EGFR: variants seen among roughly 807,000 people sequenced by gnomAD.
The protein encoded by EGFR is epidermal growth factor receptor, also known as avian erythroblastic leukemia viral (v-erb-b) oncogene homolog.
Under a neutral mutation model 143.0 loss-of-function variants are expected in EGFR, and 58 were observed. That is an observed-to-expected ratio of 0.41 (90% CI 0.33 to 0.50). EGFR has a LOEUF of 0.50. EGFR is among the 20% of genes least tolerant of loss of function. The probability of loss-of-function intolerance (pLI) is 0.39; values close to 1 mark genes in which losing one functional copy is unlikely to be tolerated. For synonymous variants in EGFR, 613 were observed against 594.4 expected, an observed-to-expected ratio of 1.03 and a Z score of -0.45; for missense variants, 1,307 against 1,579.0, an observed-to-expected ratio of 0.83 and a Z score of 2.92.
At chr7:55,163,188 G>A (rs931598796) in intron 13 of EGFR, among the ~76,000 whole-genome samples, 1 of 152,236 alleles carries the variant, frequency 6.6e-6, no homozygotes, top group Non-Finnish European at 1.5e-5. Flanking sequence ...CTGACAAACA[G>A]CCGTACATCT....
intron 13 of EGFR, among the ~76,000 whole-genome samples, chr7:55,162,568 C>A (rs927166995): frequency 6.6e-6 from 1 of 152,206 alleles, no homozygotes; most frequent in African/African-American, 2.4e-5. Flanking sequence ...TTTCAGTTTT[C>A]AAGTGTTTCT....
chr7:55,156,479 C>T (rs1785424153), intron 8 of EGFR, 54 bp from the exon 9 acceptor site: 1 of 1,611,520 alleles, frequency 6.2e-7, no homozygotes, highest in Admixed American at 1.7e-5. Context: ...GGATCCCTAG[C>T]TATTCTTAAT....
At chr7:55,055,214 A>C (rs1414906088) in intron 1 of EGFR, among the ~76,000 whole-genome samples, 1 of 152,174 alleles carries the variant, frequency 6.6e-6, no homozygotes, top group Non-Finnish European at 1.5e-5. Flanking sequence ...AAGAATCTCT[A>C]AATCAGTGGT....
chr7:55,147,273 G>A (rs570959768), intron 4 of EGFR, among the ~76,000 whole-genome samples: 1 of 152,346 alleles, frequency 6.6e-6, no homozygotes, highest in African/African-American at 2.4e-5. Flanking sequence ...CAGTGAGGCA[G>A]CCTGTGGGGA....
At chr7:55,128,308 G>A (rs1793646724) in intron 1 of EGFR, among the ~76,000 whole-genome samples, 1 of 152,206 alleles carries the variant, frequency 6.6e-6, no homozygotes, top group African/African-American at 2.4e-5. Flanking sequence ...TTATTACTGA[G>A]AGTTAAAGAA....
intron 11 of EGFR, 133 bp from the exon 12 acceptor site, chr7:55,160,006 C>A: frequency 1.1e-6 from 1 of 922,764 alleles, no homozygotes; most frequent in Non-Finnish European, 1.7e-6. Context: ...CAGTGTGTGC[C>A]TCCCACAGCA....
intron 15 of EGFR, chr7:55,166,169 A>AC (rs1785970923): frequency 3.4e-5 from 16 of 465,568 alleles, no homozygotes; most frequent in South Asian, 1.3e-4. Context: ...AAAAACAAAA[A>AC]AAAAAGCTAC....
chr7:55,079,698 C>T (rs1389385507), intron 1 of EGFR, among the ~76,000 whole-genome samples: 1 of 152,092 alleles, frequency 6.6e-6, no homozygotes, highest in Non-Finnish European at 1.5e-5. Flanking sequence ...CACCCTAGGC[C>T]CGGGCCTGCT....
chr7:55,207,269 C>T lies in EGFR; in HGVS notation c.*1652C>T, dbSNP rs1431330115. 1 of 230,708 alleles carries T rather than the reference C, an allele frequency of 4.3e-6. No homozygotes were observed. Among genetic ancestry groups the T allele is most frequent in the Admixed American group, 5.6e-5 (1 of 17,740 alleles). The allele number at this position is 230,708 out of a possible 1,614,324, so 14.3% of individuals were successfully genotyped here. On this transcript the variant is annotated 3_prime_UTR_variant, in exon 28 of 28. Transcript: ENST00000275493. The stretch of plus-strand genomic sequence containing the variant: ...TTGACTCCCAGATCAGTCAGAGCCC[C>T]TACAGCATTGTTAAGAAAGTATTTG...
chr7:55,166,007 A>C (rs1035692486), intron 15 of EGFR, among the ~76,000 whole-genome samples: 1 of 151,908 alleles, frequency 6.6e-6, no homozygotes, highest in Non-Finnish European at 1.5e-5. Flanking sequence ...GTGAAACCCC[A>C]CCTCTACTAA....
At chr7:55,019,434 C>T in intron 1 of EGFR, 69 bp downstream of exon 1, 2 of 1,052,920 alleles carry the variant, frequency 1.9e-6, no homozygotes, top group Non-Finnish European at 2.4e-6. Context: ...GCCCGCCCAA[C>T]CGCGCACCGG....
At chr7:55,151,818 G>A (rs753680215) in intron 5 of EGFR, among the ~76,000 whole-genome samples, 4 of 152,196 alleles carry the variant, frequency 2.6e-5, no homozygotes, top group Non-Finnish European at 5.9e-5. Flanking sequence ...AGCTTGCAGT[G>A]AGCCGAGATT....
chr7:55,071,721 T>C, intron 1 of EGFR, among the ~76,000 whole-genome samples: 1 of 152,412 alleles, frequency 6.6e-6, no homozygotes, highest in Middle Eastern at 3.4e-3. Context: ...TAATAATATG[T>C]TAGAGATTTA....
intron 1 of EGFR, among the ~76,000 whole-genome samples, chr7:55,102,750 T>TAA (rs1791902137): frequency 3.3e-5 from 5 of 152,216 alleles, no homozygotes; most frequent in Non-Finnish European, 5.9e-5. Flanking sequence ...TCTGTTCATT[T>TAA]ATATATCTTA....
chr7:55,156,453 G>C (rs1785423031), intron 8 of EGFR, 80 bp from the exon 9 acceptor site: 1 of 1,596,902 alleles, frequency 6.3e-7, no homozygotes, highest in Admixed American at 1.7e-5. Flanking sequence ...ATTCCTTCCT[G>C]CTTCCCTCTG....
intron 1 of EGFR, among the ~76,000 whole-genome samples, chr7:55,077,235 G>T (rs1346126573): frequency 6.6e-6 from 1 of 152,146 alleles, no homozygotes; most frequent in Non-Finnish European, 1.5e-5. Flanking sequence ...TCTTTGCTGG[G>T]TGTGGTATTT....
At chr7:55,122,530 C>T (rs773333314) in intron 1 of EGFR, among the ~76,000 whole-genome samples, 15 of 152,232 alleles carry the variant, frequency 9.9e-5, no homozygotes, top group Non-Finnish European at 2.1e-4. Context: ...TTCTGAGCTC[C>T]GCTCACTTTT....
At chr7:55,179,672 T>G (rs1166644284) in intron 19 of EGFR, 2 of 152,240 alleles carry the variant, frequency 1.3e-5, no homozygotes, top group Non-Finnish European at 2.9e-5. Flanking sequence ...TAGTAAATAT[T>G]TACAGTTTGC....
At chr7:55,068,863 T>C (rs1789667926) in intron 1 of EGFR, among the ~76,000 whole-genome samples, 1 of 152,146 alleles carries the variant, frequency 6.6e-6, no homozygotes. Context: ...TTTAGGAATG[T>C]GTAGAAAGAA....
Sources: gnomAD v4.1 joint callset for allele counts (sites outside exome capture counted in the v4.1 genomes callset) on GRCh38, gnomAD v4.1.1 for gene constraint, MANE v1.5 for transcripts, NCBI Gene and HGNC (gene_info 2026-07-23, HGNC 2026-07-21) for gene names.